HPS3: variants seen among roughly 807,000 people sequenced by gnomAD.
HPS3 encodes the protein BLOC-2 complex member HPS3.
Under a neutral mutation model 110.9 loss-of-function variants are expected in HPS3, and 79 were observed. That is an observed-to-expected ratio of 0.71 (90% confidence interval 0.59 to 0.86). The LOEUF (loss-of-function observed/expected upper bound fraction) is 0.86. Among genes scored for constraint, HPS3 ranks in the 40% least tolerant of loss-of-function variants. The pLI is 0.00. For missense variants in HPS3, 1,197 were observed against 1,206.2 expected (o/e 0.99, Z 0.11); for synonymous variants, 428 against 451.0 (o/e 0.95, Z 0.65).
intron 6 of HPS3, among the ~76,000 whole-genome samples, chr3:149,151,785 A>C (rs912617093): frequency 3.3e-5 from 5 of 152,166 alleles, no homozygotes; most frequent in Non-Finnish European, 7.4e-5. Context: ...AGGAATATAC[A>C]TGCTGCAAGA....
chr3:149,143,442 A>G (rs1025710515), intron 4 of HPS3, among the ~76,000 whole-genome samples: 3 of 152,082 alleles, frequency 2.0e-5, no homozygotes, highest in African/African-American at 7.2e-5. Flanking sequence ...CTCCACTCAC[A>G]CTGGAGTTTA....
At chr3:149,156,642 G>C (rs1723475294) in intron 8 of HPS3, among the ~76,000 whole-genome samples, 1 of 149,058 alleles carries the variant, frequency 6.7e-6, no homozygotes, top group South Asian at 2.1e-4. Flanking sequence ...GGTGATTTTT[G>C]TGTTAAGGGT....
At chr3:149,161,587 G>T (rs1723859808) in intron 11 of HPS3, among the ~76,000 whole-genome samples, 1 of 138,904 alleles carries the variant, frequency 7.2e-6, no homozygotes, top group Admixed American at 8.0e-5. Flanking sequence ...TCAGCTTACT[G>T]CAACCTCCAC....
At chr3:149,165,857 A>G in intron 14 of HPS3, 2 of 375,092 alleles carry the variant, frequency 5.3e-6, no homozygotes, top group Non-Finnish European at 1.1e-5. Flanking sequence ...GTGAGAGATT[A>G]TCAACCTTAT....
chr3:149,146,413 C>T (rs557445349), intron 5 of HPS3, among the ~76,000 whole-genome samples: 2 of 152,246 alleles, frequency 1.3e-5, no homozygotes, highest in African/African-American at 2.4e-5. Context: ...TTGTGGATAG[C>T]TGATTGTGTT....
At chr3:149,171,571 C>T (rs913147252) in intron 16 of HPS3, among the ~76,000 whole-genome samples, 10 of 152,040 alleles carry the variant, frequency 6.6e-5, no homozygotes, top group Admixed American at 2.0e-4. Flanking sequence ...TTTCATGTGG[C>T]TGATATAAAA....
At chr3:149,165,040 A>G (rs970273818) in intron 14 of HPS3, among the ~76,000 whole-genome samples, 1 of 152,222 alleles carries the variant, frequency 6.6e-6, no homozygotes, top group African/African-American at 2.4e-5. Context: ...TGGTGTTCCC[A>G]GAGATGGCAT....
Position 149,162,681 on chromosome 3 carries a change from G to C in HPS3, c.2293-9G>C. The C allele has an allele frequency of 1.2e-6, 2 of 1,613,856 alleles. No individual in the cohort carries two copies. Among genetic ancestry groups the C allele is most frequent in the Non-Finnish European group, 8.5e-7 (1 of 1,179,842 alleles). On this transcript the variant is annotated splice_polypyrimidine_tract_variant and intron_variant, in intron 12 of 16. Coordinates refer to ENST00000296051, the MANE Select transcript of HPS3 (RefSeq NM_032383.5). ...CTGGAATATAGAGGCTCCTTTTACT[G>C]TTTTTAAGGTGCTTTGTGCTAAGGA...
chr3:149,150,505 G>A, intron 5 of HPS3, 94 bp from the exon 6 acceptor site: 1 of 868,564 alleles, frequency 1.2e-6, no homozygotes, highest in Admixed American at 1.8e-5. Flanking sequence ...TGTCACCCCT[G>A]CCCATTGCCC....
intron 4 of HPS3, 138 bp downstream of exon 4, chr3:149,141,518 A>ATTT: frequency 1.8e-6 from 1 of 560,790 alleles, no homozygotes; most frequent in Non-Finnish European, 3.1e-6. Context: ...CCTTTAACAA[A>ATTT]GTTTTTTTTT....
At chr3:149,141,431 T>G in intron 4 of HPS3, 51 bp downstream of exon 4, 2 of 1,469,224 alleles carry the variant, frequency 1.4e-6, no homozygotes, top group Non-Finnish European at 1.9e-6. Flanking sequence ...GAAAATGCTC[T>G]GTCTGGGCTG....
intron 5 of HPS3, among the ~76,000 whole-genome samples, chr3:149,146,842 GA>G (rs1722805275): frequency 6.6e-6 from 1 of 152,208 alleles, no homozygotes; most frequent in Admixed American, 6.5e-5. Flanking sequence ...AACAGTGCTT[GA>G]AAAGAGAGCT....
intron 8 of HPS3, among the ~76,000 whole-genome samples, 180 bp from the exon 9 acceptor site, chr3:149,157,170 T>TG (rs1390889998): frequency 2.0e-5 from 3 of 152,150 alleles, no homozygotes; most frequent in Non-Finnish European, 4.4e-5. Context: ...TCATAGATGG[T>TG]GGGAAAAAAG....
intron 4 of HPS3, among the ~76,000 whole-genome samples, chr3:149,143,633 G>T (rs895844509): frequency 6.6e-6 from 1 of 152,200 alleles, no homozygotes; most frequent in Non-Finnish European, 1.5e-5. Context: ...GGCCGTAATG[G>T]ATGATAGAGA....
In HPS3 at chr3:149,141,397, A is replaced by T; in HGVS notation, c.970+17A>T. 1 of 1,594,070 alleles carries T rather than the reference A, an allele frequency of 6.3e-7. No homozygotes were observed. The highest frequency in any genetic ancestry group is 8.6e-7 in the Non-Finnish European group (1 of 1,161,692). On this transcript the variant is annotated intron_variant, in intron 4 of 16. Coordinates refer to ENST00000296051, the MANE Select transcript of HPS3 (RefSeq NM_032383.5). ...ACCAGACCGGTAAGCATGACAGTGC[A>T]GGAGTGCGACAGTGCAGCAAGGTGA...
At chr3:149,141,948 T>G (rs777500811) in intron 4 of HPS3, among the ~76,000 whole-genome samples, 1 of 151,816 alleles carries the variant, frequency 6.6e-6, no homozygotes, top group Middle Eastern at 3.2e-3. Context: ...CCTCCCGGGT[T>G]CAAGTGATTC....
rs752370839 is a variant in HPS3, at chr3:149,140,418, T to C, written c.632T>C (p.Leu211Pro). The C allele has an allele frequency of 2.3e-5, 37 of 1,611,840 alleles. No individual in the cohort carries two copies. Among genetic ancestry groups the C allele is most frequent in the Non-Finnish European group, 6.8e-6 (8 of 1,179,122 alleles). Residue 211 changes from leucine (L) to proline (P), a missense_variant, in exon 2 of 17, where the codon CTG becomes CCG. By Grantham distance (98) the Leu-to-Pro change is moderately conservative (BLOSUM62 -3). Coordinates refer to ENST00000296051, the MANE Select transcript of HPS3 (RefSeq NM_032383.5). Reference protein sequence around the residue: ...MSDLEVLIVKLESGPKNGERV... With the variant: ...MSDLEVLIVKPESGPKNGERV... ...GACTTAGAAGTCTTAATCGTAAAACTGGAGTCAGGCCCTAAAAATGGAGAG... is the reference window on the plus strand; with the variant it reads ...GACTTAGAAGTCTTAATCGTAAAACCGGAGTCAGGCCCTAAAAATGGAGAG...
intron 16 of HPS3, among the ~76,000 whole-genome samples, chr3:149,169,364 A>T (rs1724754549): frequency 6.6e-6 from 1 of 152,212 alleles, no homozygotes. Context: ...AGAGCAACCC[A>T]GTTTTCTAAT....
At position 149,158,830 on chromosome 3, in the gene HPS3, A is replaced by G; in HGVS notation, c.1856A>G (p.Asp619Gly). The change falls in exon 10 of 17, where the codon GAT (aspartate) becomes GGT (glycine). Residue 619 changes from aspartate (D) to glycine (G), a missense_variant. Transcript: ENST00000296051. Reference sequence around the variant, plus strand: ...AATCATTCACTTTATGAAAACCTGGATGAAGAATTAAATGAAGTGATTATA... The same window carrying G: ...AATCATTCACTTTATGAAAACCTGGGTGAAGAATTAAATGAAGTGATTATA... Reference protein sequence around the residue: ...YINHSLYENLDEELNEELAAK... With the variant: ...YINHSLYENLGEELNEELAAK... The G allele has an allele frequency of 2.5e-6, 4 of 1,586,594 alleles. No homozygotes were observed. The highest frequency in any genetic ancestry group is 1.7e-6 in the Non-Finnish European group (2 of 1,155,206).
Sources: gnomAD v4.1 joint callset for allele counts (sites outside exome capture counted in the v4.1 genomes callset) on GRCh38, gnomAD v4.1.1 for gene constraint, MANE v1.5 for transcripts, NCBI Gene and HGNC (gene_info 2026-07-23, HGNC 2026-07-21) for gene names.